NECAP2: variants seen among roughly 807,000 people sequenced by gnomAD.
NECAP2 encodes the protein adaptin ear-binding coat-associated protein 2.
A neutral mutation model predicts 37.8 loss-of-function variants in NECAP2; 38 were observed. The observed-to-expected ratio is 1.01, with a 90% confidence interval of 0.78 to 1.32. The LOEUF (loss-of-function observed/expected upper bound fraction) is 1.32, where lower values mean the gene tolerates loss of function less well. Ranked by LOEUF, NECAP2 falls within the 40% of genes most tolerant of loss-of-function variation. The pLI, the probability that NECAP2 is intolerant of heterozygous loss-of-function variation, is 0.00. For synonymous variants in NECAP2, 121 were observed against 127.7 expected (o/e 0.95, Z 0.35); for missense variants, 316 against 334.5 (o/e 0.94, Z 0.43).
At chr1:16,447,844 G>C (rs1228327186) in intron 2 of NECAP2, 26 bp from the exon 3 acceptor site, 1 of 1,599,578 alleles carries the variant, frequency 6.3e-7, no homozygotes, top group Non-Finnish European at 8.6e-7. Context: ...TCAGGGCTCA[G>C]CGCTCAGCCT....
Position 16,445,154 on chromosome 1 carries a change from A to G in NECAP2, c.193+1422A>G, listed in dbSNP as rs544744927. Among the ~76,000 whole-genome samples the G allele has an allele frequency of 2.4e-4, 36 of 152,318 alleles. No homozygotes were observed. The South Asian group carries it at 7.5e-3, about 32-fold the overall frequency. ...TGACTTTAACATGACTCCCTAACGT[A>G]ACAGGCACTGCCTAGGGCTGAGCCT... is the stretch of plus-strand genomic sequence containing the variant. On this transcript the variant is annotated intron_variant, in intron 2 of 7. Coordinates refer to ENST00000337132, the MANE Select transcript of NECAP2 (RefSeq NM_018090.5).
chr1:16,458,735 G>C, intron 7 of NECAP2, 107 bp from the exon 8 acceptor site: 2 of 1,136,740 alleles, frequency 1.8e-6, no homozygotes, highest in Non-Finnish European at 2.6e-6. Context: ...GAACATTTAG[G>C]AACTGGCTTC....
chr1:16,440,925 G>A, intron 1 of NECAP2, 72 bp downstream of exon 1: 2 of 1,349,418 alleles, frequency 1.5e-6, no homozygotes, highest in East Asian at 2.4e-5. Context: ...CACCCACTGC[G>A]GGAACCGAGG....
Position 16,449,109 on chromosome 1 carries a change from T to C in NECAP2, c.397T>C (p.Cys133Arg). The C allele has an allele frequency of 1.2e-6, 2 of 1,612,728 alleles. No individual in the cohort carries two copies. Among genetic ancestry groups the C allele is most frequent in the African/African-American group, 1.3e-5 (1 of 74,958 alleles). ...QDHFKWVKQQCEFAKQAQNPD... is the reference protein window; with the variant it reads ...QDHFKWVKQQREFAKQAQNPD... The stretch of plus-strand genomic sequence containing the variant: ...TCTCCCCAGGTGGGTGAAACAGCAG[T>C]GTGAATTTGCAAAACAAGCCCAGAA... The change falls in exon 5 of 8, where the codon TGT becomes CGT. Residue 133 changes from cysteine to arginine, a missense_variant. By Grantham distance (180) the Cys-to-Arg change is radical. Coordinates refer to ENST00000337132, the MANE Select transcript of NECAP2 (RefSeq NM_018090.5).
At chr1:16,457,677 G>A (rs868078944) in intron 7 of NECAP2, among the ~76,000 whole-genome samples, 44 of 145,646 alleles carry the variant, frequency 3.0e-4, no homozygotes, top group Non-Finnish European at 5.0e-4. Flanking sequence ...TTTAATAGTG[G>A]TATTTCCATT....
chr1:16,444,162 G>A (rs1411059355), intron 2 of NECAP2, among the ~76,000 whole-genome samples: 1 of 152,182 alleles, frequency 6.6e-6, no homozygotes, highest in Non-Finnish European at 1.5e-5. Flanking sequence ...CGAAGAAGCT[G>A]GAAACTGTCC....
chr1:16,442,161 A>G (rs987720202), intron 1 of NECAP2, among the ~76,000 whole-genome samples: 7 of 151,954 alleles, frequency 4.6e-5, no homozygotes, highest in African/African-American at 1.7e-4. Flanking sequence ...TGTTTTTAGT[A>G]GAGATGAGAT....
chr1:16,451,304 T>G (rs2086838617), intron 5 of NECAP2: 2 of 153,362 alleles, frequency 1.3e-5, no homozygotes, highest in Admixed American at 6.5e-5. Context: ...TTGGGTAGTT[T>G]CCAGTTTGGG....
chr1:16,459,852 G>C lies in NECAP2; in HGVS notation c.*962G>C, dbSNP rs980155012. 1 of 152,170 alleles carries C rather than the reference G, an allele frequency of 6.6e-6. No homozygotes were observed. Among genetic ancestry groups the C allele is most frequent in the African/African-American group, 2.4e-5 (1 of 41,444 alleles). The allele number at this position is 152,170 out of a possible 1,614,324, so 9.4% of individuals were successfully genotyped here. On this transcript the variant is annotated 3_prime_UTR_variant, in exon 8 of 8. Transcript: ENST00000337132. The stretch of plus-strand genomic sequence containing the variant: ...TGCAAACAACTTCTTTTCTCCTTCA[G>C]GAACTGTGAATGGCTAGAAGAAGGA...
chr1:16,446,167 C>T (rs934055460), intron 2 of NECAP2, among the ~76,000 whole-genome samples: 3 of 152,158 alleles, frequency 2.0e-5, no homozygotes, highest in Admixed American at 6.5e-5. Flanking sequence ...GAGATCGTGC[C>T]GTTGCACTTC....
intron 5 of NECAP2, chr1:16,449,654 T>TA (rs1455961342): frequency 5.5e-6 from 1 of 181,400 alleles, no homozygotes; most frequent in African/African-American, 2.4e-5. Context: ...TCCTAGCTAT[T>TA]AGAGTGCATC....
chr1:16,454,690 G>T (rs2086893285), intron 6 of NECAP2, among the ~76,000 whole-genome samples: 1 of 152,124 alleles, frequency 6.6e-6, no homozygotes, highest in African/African-American at 2.4e-5. Flanking sequence ...ACTTCTCCAT[G>T]CCTCATTTTT....
chr1:16,451,930 G>A lies in NECAP2; in HGVS notation c.582G>A (p.Gly194=), dbSNP rs142888033. 1.2e-6 allele frequency: 2 copies of A among 1,613,848 alleles called. No individual in the cohort carries two copies. The highest frequency in any genetic ancestry group is 1.3e-5 in the African/African-American group (1 of 74,924). The change falls in exon 6 of 8, where the codon GGG becomes GGA. Residue 194 remains glycine (G), a synonymous_variant. Coordinates refer to ENST00000337132, the MANE Select transcript of NECAP2 (RefSeq NM_018090.5). The part of the protein sequence containing the change: ...GLSLLPPPPG[G]KTSTLIPPPG... ...GCCTGCTTCCCCCTCCCCCAGGGGG[G>A]AAAACCTCCACCCTGATCCCTCCCC...
At chr1:16,455,343 A>G (rs1232687570) in intron 6 of NECAP2, among the ~76,000 whole-genome samples, 3 of 152,224 alleles carry the variant, frequency 2.0e-5, no homozygotes, top group Non-Finnish European at 4.4e-5. Context: ...GGGACTTGGC[A>G]CGTGGCTGGC....
At chr1:16,450,199 C>G in intron 5 of NECAP2, 1 of 453,916 alleles carries the variant, frequency 2.2e-6, no homozygotes. Context: ...CTTTCTCTCG[C>G]TTGGAGGAAA....
At chr1:16,448,007 G>A (rs1276787666) in intron 3 of NECAP2, 33 bp downstream of exon 3, 5 of 1,613,850 alleles carry the variant, frequency 3.1e-6, no homozygotes, top group Non-Finnish European at 8.5e-7. Flanking sequence ...CCTCCTCTTG[G>A]GAAAGGTTTT....
chr1:16,447,396 C>G (rs922846484), intron 2 of NECAP2, among the ~76,000 whole-genome samples: 1 of 152,182 alleles, frequency 6.6e-6, no homozygotes, highest in Non-Finnish European at 1.5e-5. Context: ...TGAAAACTTC[C>G]TCCCTTCTTT....
Position 16,449,209 on chromosome 1 carries a change from C to A in NECAP2, c.489+8C>A, listed in dbSNP as rs370774924. On this transcript the variant is annotated splice_region_variant and intron_variant, in intron 5 of 7. Coordinates refer to ENST00000337132, the MANE Select transcript of NECAP2 (RefSeq NM_018090.5). ...ATCAAGCTCAACATCGCAGTGAGTT[C>A]TACCCTTGCTTGGCTGTGGTGACGT... 31 of 1,595,612 alleles carry A rather than the reference C, an allele frequency of 1.9e-5. No homozygotes were observed. The African/African-American group carries it at 3.6e-4, about 19-fold the overall frequency.
chr1:16,442,405 C>T (rs989184911), intron 1 of NECAP2, among the ~76,000 whole-genome samples: 2 of 152,200 alleles, frequency 1.3e-5, no homozygotes, highest in Non-Finnish European at 2.9e-5. Flanking sequence ...AGTCTTGGAG[C>T]TCTCCTTAGC....
Sources: allele counts gnomAD v4.1 joint callset (sites outside exome capture counted in the v4.1 genomes callset), GRCh38; gene constraint gnomAD v4.1.1; transcripts MANE v1.5; gene names NCBI Gene and HGNC (gene_info 2026-07-23, HGNC 2026-07-21).